Variants in IGLL1 observed in about 807,000 individuals in gnomAD.
IGLL1 encodes the protein immunoglobulin lambda-like polypeptide 1.
A neutral mutation model predicts 10.5 loss-of-function variants in IGLL1; 10 were observed. That is an observed-to-expected ratio of 0.95 (90% CI 0.59 to 1.62). The LOEUF (loss-of-function observed/expected upper bound fraction) is 1.62. Ranked by LOEUF, IGLL1 falls within the 40% of genes most tolerant of loss-of-function variation. IGLL1 has a pLI of 0.00. For missense variants in IGLL1, 284 were observed against 278.7 expected (o/e 1.02, Z -0.14); for synonymous variants, 141 against 122.7 (o/e 1.15, Z -0.99).
At chr22:23,578,917 G>A (rs1045125559) in intron 1 of IGLL1, among the ~76,000 whole-genome samples, 2 of 152,074 alleles carry the variant, frequency 1.3e-5, no homozygotes, top group African/African-American at 4.8e-5. Flanking sequence ...CCAAGATCTC[G>A]CCATTGCACT....
chr22:23,574,919 C>A, intron 2 of IGLL1, 48 bp downstream of exon 2: 1 of 1,304,032 alleles, frequency 7.7e-7, no homozygotes, highest in Non-Finnish European at 1.1e-6. Flanking sequence ...AACACATTTT[C>A]CAGAGACAGG....
chr22:23,579,023 G>T (rs1925199499), intron 1 of IGLL1, among the ~76,000 whole-genome samples: 1 of 152,100 alleles, frequency 6.6e-6, no homozygotes, highest in African/African-American at 2.4e-5. Context: ...AGATGCACGT[G>T]TCCGCTCGAT....
intron 1 of IGLL1, among the ~76,000 whole-genome samples, chr22:23,575,639 G>C (rs141333963): frequency 8.6e-5 from 13 of 151,978 alleles, no homozygotes; most frequent in Non-Finnish European, 1.8e-4. Flanking sequence ...TCTATCATCT[G>C]TCCATTCGTC....
At position 23,573,569 on chromosome 22, in the gene IGLL1, G is replaced by A. The variant is rs1229855474; in HGVS notation, c.339C>T (p.Thr113=). The part of the protein sequence containing the change: ...QLTVLSQPKA[T]PSVTLFPPSS... ...ACGGCGGGAACAGAGTGACCGAGGGGGTGGCCTTGGGCTGACCTGTGTGGA... is the reference window on the plus strand; with the variant it reads ...ACGGCGGGAACAGAGTGACCGAGGGAGTGGCCTTGGGCTGACCTGTGTGGA... Residue 113 remains threonine, a synonymous_variant, in exon 3 of 3, where the codon ACC becomes ACT. Coordinates refer to ENST00000330377, the MANE Select transcript of IGLL1 (RefSeq NM_020070.4). 3 of 1,613,850 alleles carry A rather than the reference G, an allele frequency of 1.9e-6. No individual in the cohort carries two copies. The highest frequency in any genetic ancestry group is 1.1e-5 in the South Asian group (1 of 91,076).
rs1064418 is a variant in IGLL1 at position 23,573,314 on chromosome 22, G to A, written c.594C>T (p.His198=). The A allele has an allele frequency of 2.5e-4, 406 of 1,612,900 alleles. 2 individuals are homozygous for A. The highest frequency in any genetic ancestry group is 7.7e-4 in the Admixed American group (46 of 59,862). The part of the protein sequence containing the change: ...SRRSYSCQVM[H]EGSTVEKTVA... ...CCGTCTTCTCCACGGTGCTCCCTTC[G>A]TGCATGACCTGGCAGCTGTAGCTTC... Residue 198 remains histidine (H), a synonymous_variant, in exon 3 of 3, where the codon CAC becomes CAT. Coordinates refer to ENST00000330377, the MANE Select transcript of IGLL1 (RefSeq NM_020070.4).
Position 23,573,495 on chromosome 22 carries a change from T to C in IGLL1, c.413A>G (p.Asn138Ser), listed in dbSNP as rs1602287240. ...ANKATLVCLMNDFYPGILTVT... is the reference protein window; with the variant it reads ...ANKATLVCLMSDFYPGILTVT... ...CGTCAAGATTCCCGGATAAAAGTCA[T>C]TCATGAGACACACCAGTGTAGCCTT... Residue 138 changes from asparagine (N) to serine (S), a missense_variant, in exon 3 of 3, where the codon AAT becomes AGT. Asn to Ser is a conservative substitution (Grantham distance 46, BLOSUM62 1). Coordinates refer to ENST00000330377, the MANE Select transcript of IGLL1 (RefSeq NM_020070.4). The C allele has an allele frequency of 6.2e-7, 1 of 1,613,872 alleles. No homozygotes were observed. Among genetic ancestry groups the C allele is most frequent in the East Asian group, 2.2e-5 (1 of 44,882 alleles).
chr22:23,578,495 ACC>A (rs760235759), intron 1 of IGLL1, among the ~76,000 whole-genome samples: 1 of 152,064 alleles, frequency 6.6e-6, no homozygotes, highest in Non-Finnish European at 1.5e-5. Flanking sequence ...GGACACTGAC[ACC>A]CGGTCCCGGC....
intron 2 of IGLL1, among the ~76,000 whole-genome samples, chr22:23,574,169 A>C (rs2123697171): frequency 6.8e-6 from 1 of 146,732 alleles, no homozygotes; most frequent in East Asian, 1.9e-4. Context: ...GGGGCACCGC[A>C]GCCCCCATGC....
In IGLL1 at chr22:23,575,035, CG is replaced by C. The variant is rs747209227; in HGVS notation, c.253del (p.Arg85GlyfsTer10). The C allele has an allele frequency of 8.7e-6, 14 of 1,613,998 alleles. No individual in the cohort carries two copies. Among genetic ancestry groups the C allele is most frequent in the Non-Finnish European group, 1.2e-5 (14 of 1,179,896 alleles). On this transcript the variant is annotated frameshift_variant, in exon 2 of 3. Coordinates refer to ENST00000330377, the MANE Select transcript of IGLL1 (RefSeq NM_020070.4). LOFTEE classifies it high-confidence loss of function. Reference sequence around the variant, plus strand: ...TGAGTTATGCTTGGATTGAAACCCCCGGGGCCAGCACCTGGGGCCAGTCCAG... The same window carrying C: ...TGAGTTATGCTTGGATTGAAACCCCCGGGCCAGCACCTGGGGCCAGTCCAG... Reference protein sequence around the residue: ...GSWTGPRCWPRGFQSKHNSVT... With the variant: ...GSWTGPRCWPXGFQSKHNSVT...
chr22:23,574,376 T>C (rs1018187777), intron 2 of IGLL1, among the ~76,000 whole-genome samples: 1 of 152,138 alleles, frequency 6.6e-6, no homozygotes, highest in Non-Finnish European at 1.5e-5. Flanking sequence ...ATCTCTGCAC[T>C]AAGAGACCCT....
intron 1 of IGLL1, 86 bp from the exon 2 acceptor site, chr22:23,575,168 TC>T: frequency 1.1e-6 from 1 of 906,658 alleles, no homozygotes; most frequent in Non-Finnish European, 1.9e-6. Context: ...CCCAGTAGTG[TC>T]CCCCAGTAGT....
chr22:23,573,647 T>C (rs1924908673), intron 2 of IGLL1, 62 bp from the exon 3 acceptor site: 7 of 1,305,846 alleles, frequency 5.4e-6, no homozygotes, highest in African/African-American at 1.4e-5. Flanking sequence ...GTGGAGCGCC[T>C]CTCTCTGTCT....
chr22:23,578,137 G>A (rs377483693), intron 1 of IGLL1, among the ~76,000 whole-genome samples: 2 of 149,954 alleles, frequency 1.3e-5, no homozygotes, highest in South Asian at 2.1e-4. Flanking sequence ...CCATCTTGGC[G>A]TCCTAAAGTG....
chr22:23,579,061 C>T (rs1003327368), intron 1 of IGLL1, among the ~76,000 whole-genome samples: 1 of 152,062 alleles, frequency 6.6e-6, no homozygotes, highest in African/African-American at 2.4e-5. Context: ...CAGGGGAGAG[C>T]TAGAGGGGAT....
chr22:23,580,234 G>A lies in IGLL1; in HGVS notation c.-44C>T, dbSNP rs753944859. 495 of 1,534,442 alleles carry A rather than the reference G, an allele frequency of 3.2e-4. No individual in the cohort carries two copies. The highest frequency in any genetic ancestry group is 3.9e-4 in the Non-Finnish European group (445 of 1,146,462). On this transcript the variant is annotated 5_prime_UTR_variant, in exon 1 of 3. Transcript: ENST00000330377. The stretch of plus-strand genomic sequence containing the variant: ...GTCCTTGTGGCCTGACTTGCAGTGT[G>A]GGCTCCCTAGAGAGTGGTGCCCTGG...
chr22:23,579,904 T>G, intron 1 of IGLL1, 81 bp downstream of exon 1: 2 of 1,206,264 alleles, frequency 1.7e-6, no homozygotes, highest in Non-Finnish European at 2.3e-6. Context: ...TCCTCACCCC[T>G]CTGGCTCGTC....
At position 23,574,992 on chromosome 22, in the gene IGLL1, G is replaced by A. The variant is rs773764278; in HGVS notation, c.297C>T (p.Gly99=). The change falls in exon 2 of 3, where the codon GGC becomes GGT. Residue 99 remains glycine (G), a synonymous_variant. Coordinates refer to ENST00000330377, the MANE Select transcript of IGLL1 (RefSeq NM_020070.4). The part of the protein sequence containing the change: ...SKHNSVTHVF[G]SGTQLTVLSQ... ...TTAAAACGGTGAGCTGGGTCCCGCT[G>A]CCAAACACATGCGTCACTGAGTTAT... The A allele has an allele frequency of 6.2e-7, 1 of 1,613,682 alleles. No homozygotes were observed. The highest frequency in any genetic ancestry group is 8.5e-7 in the Non-Finnish European group (1 of 1,179,576).
intron 2 of IGLL1, among the ~76,000 whole-genome samples, chr22:23,574,383 C>A (rs570820808): frequency 1.3e-5 from 2 of 152,304 alleles, no homozygotes; most frequent in African/African-American, 4.8e-5. Flanking sequence ...CACTAAGAGA[C>A]CCTCTCCTTT....
chr22:23,576,638 G>T (rs1569071144), intron 1 of IGLL1, among the ~76,000 whole-genome samples: 1 of 152,094 alleles, frequency 6.6e-6, no homozygotes. Context: ...CTCCATGTTT[G>T]TCAGGCTGGT....
Sources: gnomAD v4.1 joint callset for allele counts (sites outside exome capture counted in the v4.1 genomes callset) on GRCh38, gnomAD v4.1.1 for gene constraint, MANE v1.5 for transcripts, NCBI Gene and HGNC (gene_info 2026-07-23, HGNC 2026-07-21) for gene names.